MAD1L1: variants seen among roughly 807,000 people sequenced by gnomAD.
MAD1L1 encodes mitotic arrest deficient 1 like 1.
Under a neutral mutation model 96.9 loss-of-function variants are expected in MAD1L1, and 95 were observed. The observed-to-expected ratio is 0.98, with a 90% CI of 0.83 to 1.16. The LOEUF (loss-of-function observed/expected upper bound fraction) is 1.16, where lower values mean the gene tolerates loss of function less well. Ranked by LOEUF, MAD1L1 falls within the 50% of genes most tolerant of loss-of-function variation. MAD1L1 has a pLI of 0.00. For missense variants in MAD1L1, 1,007 were observed against 954.4 expected (o/e 1.06, Z -0.73); for synonymous variants, 473 against 396.6 (o/e 1.19, Z -2.29).
At chr7:2,014,334 C>G (rs1782433869) in intron 13 of MAD1L1, among the ~76,000 whole-genome samples, 168 bp downstream of exon 13, 1 of 152,158 alleles carries the variant, frequency 6.6e-6, no homozygotes. Flanking sequence ...TAACGTGGAT[C>G]CACATGCAGA....
chr7:1,884,180 G>A (rs1184088372), intron 18 of MAD1L1, among the ~76,000 whole-genome samples: 3 of 152,242 alleles, frequency 2.0e-5, no homozygotes, highest in African/African-American at 4.8e-5. Context: ...GGACGCAGCC[G>A]AGGCATGCAC....
In MAD1L1 at chr7:1,852,170, G is replaced by A. The variant is rs142456418; in HGVS notation, c.1999-35942C>T. 8.4e-3 allele frequency among the ~76,000 whole-genome samples: 1,281 copies of A among 152,334 alleles called. 14 individuals are homozygous for A. Among genetic ancestry groups the A allele is most frequent in the African/African-American group, 0.029 (1,216 of 41,572 alleles). ...CCCCAGGGAAGAAAGTGCTTCCTGT[G>A]GGGACACAGGTTGGGATGGACGTGA... is the stretch of plus-strand genomic sequence containing the variant. On this transcript the variant is annotated intron_variant, in intron 18 of 18. Coordinates refer to ENST00000265854, the MANE Select transcript of MAD1L1 (RefSeq NM_001013836.2).
chr7:2,089,587 T>C (rs1217899804), intron 11 of MAD1L1, among the ~76,000 whole-genome samples: 2 of 151,632 alleles, frequency 1.3e-5, no homozygotes, highest in African/African-American at 4.9e-5. Flanking sequence ...CCAACACCTG[T>C]CCCTGGGGCC....
intron 10 of MAD1L1, among the ~76,000 whole-genome samples, chr7:2,183,318 TG>T (rs1198328693): frequency 2.6e-5 from 4 of 152,082 alleles, no homozygotes; most frequent in Admixed American, 6.5e-5. Flanking sequence ...GCAAAAATGT[TG>T]ACAAGACATA....
chr7:2,022,189 A>G (rs986121352), intron 12 of MAD1L1, among the ~76,000 whole-genome samples: 1 of 152,306 alleles, frequency 6.6e-6, no homozygotes. Flanking sequence ...GTGTGGGGTG[A>G]CGATGGTGCA....
intron 10 of MAD1L1, among the ~76,000 whole-genome samples, chr7:2,153,722 T>C (rs1339368842): frequency 6.6e-6 from 1 of 152,262 alleles, no homozygotes; most frequent in Non-Finnish European, 1.5e-5. Context: ...AGGAAATCAC[T>C]GTATCAAAAA....
intron 18 of MAD1L1, among the ~76,000 whole-genome samples, chr7:1,845,148 G>C (rs923350292): frequency 6.6e-6 from 1 of 152,242 alleles, no homozygotes; most frequent in Admixed American, 6.5e-5. Flanking sequence ...TGGCTGATAC[G>C]CTGACCAGCT....
chr7:2,145,449 A>G (rs1400064208), intron 11 of MAD1L1, among the ~76,000 whole-genome samples: 1 of 152,240 alleles, frequency 6.6e-6, no homozygotes, highest in Non-Finnish European at 1.5e-5. Context: ...AAGAGCGCAG[A>G]AACATTCAGA....
At chr7:2,115,155 T>A (rs1202852755) in intron 11 of MAD1L1, among the ~76,000 whole-genome samples, 1 of 152,188 alleles carries the variant, frequency 6.6e-6, no homozygotes, top group Admixed American at 6.5e-5. Flanking sequence ...CAGGAGGACA[T>A]GAGGCCACGT....
chr7:1,818,821 G>A (rs574154959), intron 18 of MAD1L1, among the ~76,000 whole-genome samples: 2 of 150,346 alleles, frequency 1.3e-5, no homozygotes, highest in African/African-American at 4.9e-5. Context: ...AGGCGGCTCT[G>A]GAAGAATGAT....
chr7:1,961,378 G>C (rs898154147), intron 15 of MAD1L1, among the ~76,000 whole-genome samples: 1 of 152,176 alleles, frequency 6.6e-6, no homozygotes, highest in African/African-American at 2.4e-5. Flanking sequence ...GTGCAGTACT[G>C]GTCTGCAAGA....
Position 1,816,232 on chromosome 7 carries a change from C to T in MAD1L1, c.1999-4G>A, listed in dbSNP as rs546341901. 1.9e-5 allele frequency: 31 copies of T among 1,611,256 alleles called. No individual in the cohort carries two copies. Among genetic ancestry groups the T allele is most frequent in the South Asian group, 3.3e-5 (3 of 90,850 alleles). ...TGGAACCCGAGGGGCTGGTGGCCTG[C>T]GGGGCAGTCAAGAAAGAGACAAGAC... is the stretch of plus-strand genomic sequence containing the variant. On this transcript the variant is annotated splice_region_variant and splice_polypyrimidine_tract_variant and intron_variant, in intron 18 of 18. Transcript: ENST00000265854.
intron 10 of MAD1L1, among the ~76,000 whole-genome samples, chr7:2,173,161 T>C (rs1051310489): frequency 6.6e-6 from 1 of 152,198 alleles, no homozygotes; most frequent in Admixed American, 6.5e-5. Flanking sequence ...TCTAAGTTAT[T>C]TGAGTCAATT....
At chr7:2,227,228 G>A (rs915214060) in intron 3 of MAD1L1, among the ~76,000 whole-genome samples, 3 of 152,078 alleles carry the variant, frequency 2.0e-5, no homozygotes, top group Non-Finnish European at 2.9e-5. Context: ...CCCAGGAGAC[G>A]GAGGCTGCAG....
chr7:1,948,693 G>A (rs1404392897), intron 16 of MAD1L1, among the ~76,000 whole-genome samples: 7 of 152,196 alleles, frequency 4.6e-5, no homozygotes, highest in South Asian at 4.1e-4. Context: ...AAGGGCGGGC[G>A]GCCTGCCGTG....
chr7:1,954,268 T>A (rs552406743), intron 16 of MAD1L1, among the ~76,000 whole-genome samples: 77 of 152,202 alleles, frequency 5.1e-4, no homozygotes, highest in African/African-American at 1.8e-3. Flanking sequence ...AAAGACAGCC[T>A]GCGGGAAAGG....
intron 14 of MAD1L1, chr7:1,980,922 C>T (rs1780876525): frequency 2.7e-6 from 1 of 371,414 alleles, no homozygotes; most frequent in Non-Finnish European, 5.3e-6. Flanking sequence ...TCCAATTCCT[C>T]TACAGAACAG....
intron 7 of MAD1L1, 142 bp from the exon 8 acceptor site, chr7:2,216,429 G>A (rs1243958454): frequency 1.2e-6 from 1 of 811,232 alleles, no homozygotes; most frequent in Non-Finnish European, 1.9e-6. Context: ...GACGTTCTGG[G>A]AAAGGAAGGG....
rs1404798430 is a variant in MAD1L1, at chr7:2,219,391, C to T, written c.537G>A (p.Arg179=). The T allele has an allele frequency of 2.5e-6, 4 of 1,610,998 alleles. No individual in the cohort carries two copies. In the East Asian group the frequency reaches 8.9e-5, roughly 36 times the overall value. ...LQWSVMDQEM[R]VKRLESEKQE... ...GCTTCTCCGACTCCAGGCGCTTCACCCGCATCTCCTGGTCCATCACGCTCC... is the reference window on the plus strand; with the variant it reads ...GCTTCTCCGACTCCAGGCGCTTCACTCGCATCTCCTGGTCCATCACGCTCC... The change falls in exon 6 of 19, where the codon CGG becomes CGA. Residue 179 remains arginine, a synonymous_variant. Transcript: ENST00000265854.
Sources: gnomAD v4.1 joint callset for allele counts (sites outside exome capture counted in the v4.1 genomes callset) on GRCh38, gnomAD v4.1.1 for gene constraint, MANE v1.5 for transcripts, NCBI Gene and HGNC (gene_info 2026-07-23, HGNC 2026-07-21) for gene names.